The following LRP1B variants were observed in gnomAD, a reference collection of about 807,000 sequenced individuals.
LRP1B encodes the protein LDL receptor related protein 1B, also known as low-density lipoprotein receptor-related protein 1B.
In LRP1B, 217 loss-of-function variants were observed where a neutral mutation model predicts 556.6. The ratio of observed to expected loss-of-function variants is 0.39; its 90% confidence interval spans 0.35 to 0.44. The LOEUF (loss-of-function observed/expected upper bound fraction) is 0.44, where lower values mean the gene tolerates loss of function less well. LRP1B is among the 20% of genes least tolerant of loss of function. LRP1B has a pLI of 1.00. For synonymous variants in LRP1B, 2,047 were observed against 1,865.8 expected (o/e 1.10, Z -2.50); for missense variants, 5,053 against 5,620.8 (o/e 0.90, Z 3.23).
At chr2:141,242,663 C>A (rs1240327046) in intron 5 of LRP1B, among the ~76,000 whole-genome samples, 1 of 152,064 alleles carries the variant, frequency 6.6e-6, no homozygotes, top group African/African-American at 2.4e-5. Context: ...GGTACACTCT[C>A]AAAGGGCACC....
chr2:141,154,367 T>C (rs1197917215), intron 7 of LRP1B, among the ~76,000 whole-genome samples: 1 of 151,904 alleles, frequency 6.6e-6, no homozygotes. Context: ...TATTCTTATT[T>C]TATTCATCCA....
chr2:140,705,155 A>G (rs984257800), intron 37 of LRP1B, among the ~76,000 whole-genome samples: 1 of 152,132 alleles, frequency 6.6e-6, no homozygotes, highest in Admixed American at 6.6e-5. Context: ...TAACACAGAA[A>G]TATATAATGA....
In LRP1B at chr2:141,534,375, G is replaced by A. The variant is rs16846417; in HGVS notation, c.206-53842C>T. 7.8e-3 allele frequency among the ~76,000 whole-genome samples: 1,183 copies of A among 152,168 alleles called. 11 individuals are homozygous for A. The highest frequency in any genetic ancestry group is 0.027 in the African/African-American group (1,123 of 41,504). Reference sequence around the variant, plus strand: ...TGGAAGATTCATATCGTTCCCTTGCGTATCCAAATATCAAAACATTACCAA... The same window carrying A: ...TGGAAGATTCATATCGTTCCCTTGCATATCCAAATATCAAAACATTACCAA... On this transcript the variant is annotated intron_variant, in intron 2 of 90. Coordinates refer to ENST00000389484, the MANE Select transcript of LRP1B (RefSeq NM_018557.3).
chr2:141,874,559 G>A (rs907284047), intron 1 of LRP1B, among the ~76,000 whole-genome samples: 2 of 151,750 alleles, frequency 1.3e-5, no homozygotes, highest in Admixed American at 1.3e-4. Context: ...ACAATCCCTG[G>A]AATTGATTTT....
intron 2 of LRP1B, among the ~76,000 whole-genome samples, chr2:141,646,938 TAG>T (rs1689588648): frequency 2.0e-5 from 3 of 152,122 alleles, no homozygotes; most frequent in Admixed American, 2.0e-4. Context: ...GCAGTGGGTA[TAG>T]AGAGAAGAGC....
At chr2:141,221,350 G>A (rs1339013940) in intron 6 of LRP1B, among the ~76,000 whole-genome samples, 4 of 147,934 alleles carry the variant, frequency 2.7e-5, no homozygotes, top group African/African-American at 1.0e-4. Context: ...AATTCAACAA[G>A]AAGAGCTAAC....
At chr2:142,039,834 C>T (rs919571472) in intron 1 of LRP1B, among the ~76,000 whole-genome samples, 1 of 151,442 alleles carries the variant, frequency 6.6e-6, no homozygotes, top group Non-Finnish European at 1.5e-5. Flanking sequence ...GAAGTCATTG[C>T]TAAAGTGTTG....
At chr2:140,961,124 A>G (rs979747498) in intron 18 of LRP1B, among the ~76,000 whole-genome samples, 3 of 152,020 alleles carry the variant, frequency 2.0e-5, no homozygotes, top group Non-Finnish European at 4.4e-5. Flanking sequence ...CATATAAACA[A>G]GTAAATACAT....
chr2:140,890,190 CACAA>C (rs1354471009), intron 23 of LRP1B, among the ~76,000 whole-genome samples: 1 of 37,810 alleles, frequency 2.6e-5, no homozygotes, highest in Non-Finnish European at 1.0e-4. Context: ...TGCTTAAAAA[CACAA>C]ACTGTAAGGA....
chr2:141,476,316 T>A (rs1176010046), intron 3 of LRP1B, among the ~76,000 whole-genome samples: 1 of 152,208 alleles, frequency 6.6e-6, no homozygotes. Context: ...TTTCTATTTG[T>A]CAAAGTTTTT....
chr2:142,045,588 C>T (rs1289250551), intron 1 of LRP1B, among the ~76,000 whole-genome samples: 1 of 151,812 alleles, frequency 6.6e-6, no homozygotes, highest in African/African-American at 2.4e-5. Flanking sequence ...ACATAAGGAA[C>T]AATTTTACAT....
intron 41 of LRP1B, among the ~76,000 whole-genome samples, chr2:140,694,868 T>A (rs1686371181): frequency 6.6e-6 from 1 of 151,930 alleles, no homozygotes; most frequent in Non-Finnish European, 1.5e-5. Context: ...ACTTTTTAAT[T>A]TTAATTATAG....
intron 83 of LRP1B, among the ~76,000 whole-genome samples, chr2:140,299,996 T>G (rs1027419161): frequency 6.6e-6 from 1 of 152,022 alleles, no homozygotes; most frequent in African/African-American, 2.4e-5. Flanking sequence ...ATGATACAAG[T>G]GTGAAAGAAA....
At chr2:141,270,126 G>A (rs1045375952) in intron 3 of LRP1B, among the ~76,000 whole-genome samples, 21 of 151,932 alleles carry the variant, frequency 1.4e-4, no homozygotes, top group Middle Eastern at 3.2e-3. Context: ...AAAAATGGGC[G>A]AAGACTTCAC....
chr2:140,777,525 A>C (rs1689541815), intron 32 of LRP1B, among the ~76,000 whole-genome samples: 1 of 152,130 alleles, frequency 6.6e-6, no homozygotes, highest in South Asian at 2.1e-4. Flanking sequence ...AAAGACTTCT[A>C]CTCTCATAAA....
At chr2:142,013,824 T>A (rs1447574737) in intron 1 of LRP1B, among the ~76,000 whole-genome samples, 1 of 152,124 alleles carries the variant, frequency 6.6e-6, no homozygotes, top group African/African-American at 2.4e-5. Context: ...GAGTGAGGGA[T>A]AAGAAAATGA....
At position 140,798,967 on chromosome 2, in the gene LRP1B, G is replaced by A. The variant is rs73964608; in HGVS notation, c.5359+14690C>T. Among the ~76,000 whole-genome samples the A allele has an allele frequency of 4.7e-3, 714 of 151,998 alleles. 8 individuals are homozygous for A. The highest frequency in any genetic ancestry group is 0.015 in the African/African-American group (626 of 41,438). On this transcript the variant is annotated intron_variant, in intron 32 of 90. Transcript: ENST00000389484. ...TAGCACTAATGTGTGTAAGTTATCC[G>A]GAACAAAGTAGATGCTCTGTAAATA...
At chr2:141,149,696 A>G (rs11892438) in intron 7 of LRP1B, among the ~76,000 whole-genome samples, 3,690 of 152,238 alleles carry the variant, frequency 0.024, 149 homozygotes, top group African/African-American at 0.084. Flanking sequence ...TTTGCTTCCC[A>G]AGACAATTCA....
chr2:141,280,221 C>CAT (rs1393348074), intron 3 of LRP1B, among the ~76,000 whole-genome samples: 2 of 152,074 alleles, frequency 1.3e-5, no homozygotes, highest in Non-Finnish European at 2.9e-5. Context: ...AAAGTGACCA[C>CAT]ATAGTCCCAA....
Sources: allele counts gnomAD v4.1 joint callset (sites outside exome capture counted in the v4.1 genomes callset), GRCh38; gene constraint gnomAD v4.1.1; transcripts MANE v1.5; gene names NCBI Gene and HGNC (gene_info 2026-07-23, HGNC 2026-07-21).